Variants in BIN2 observed in about 807,000 individuals in gnomAD.
BIN2 encodes breast cancer associated protein BRAP1.
Under a neutral mutation model 67.9 loss-of-function variants are expected in BIN2, and 43 were observed. The ratio of observed to expected loss-of-function variants is 0.63; its 90% CI spans 0.50 to 0.82. BIN2 has a LOEUF of 0.82. BIN2 is among the 40% of genes least tolerant of loss of function. BIN2 has a pLI of 0.00. For synonymous variants in BIN2, 244 were observed against 246.8 expected, an observed-to-expected ratio of 0.99 and a Z score of 0.11; for missense variants, 581 against 671.6, an observed-to-expected ratio of 0.87 and a Z score of 1.49.
At chr12:51,295,936 TC>T in intron 8 of BIN2, 58 bp from the exon 9 acceptor site, 41 of 1,372,924 alleles carry the variant, frequency 3.0e-5, no homozygotes, top group Non-Finnish European at 4.3e-5. Context: ...GAGTGGCATA[TC>T]CCTTCTCCCC....
chr12:51,312,543 G>A (rs1157354754), intron 2 of BIN2, among the ~76,000 whole-genome samples: 1 of 152,064 alleles, frequency 6.6e-6, no homozygotes, highest in South Asian at 2.1e-4. Flanking sequence ...TTAGGTTGCC[G>A]AATGAAATGA....
chr12:51,299,745 T>C, intron 5 of BIN2, 31 bp from the exon 6 acceptor site: 1 of 1,585,670 alleles, frequency 6.3e-7, no homozygotes, highest in Non-Finnish European at 8.7e-7. Flanking sequence ...AGGGTGTGGA[T>C]ACTCACTTTT....
chr12:51,318,141 G>A (rs992303790), intron 1 of BIN2, among the ~76,000 whole-genome samples: 1 of 152,196 alleles, frequency 6.6e-6, no homozygotes, highest in Non-Finnish European at 1.5e-5. Flanking sequence ...GAGTGGTGGG[G>A]AATGAAGCTA....
intron 7 of BIN2, 100 bp downstream of exon 7, chr12:51,299,103 G>T: frequency 4.9e-6 from 4 of 821,270 alleles, no homozygotes; most frequent in Non-Finnish European, 3.9e-6. Flanking sequence ...GCGGGGCAGT[G>T]TGGGAATTTA....
intron 10 of BIN2, among the ~76,000 whole-genome samples, chr12:51,290,180 T>C (rs1487847487): frequency 6.6e-6 from 1 of 151,924 alleles, no homozygotes; most frequent in African/African-American, 2.4e-5. Context: ...AGTGCAGTGA[T>C]GTGATGTCGG....
intron 10 of BIN2, 64 bp from the exon 11 acceptor site, chr12:51,288,252 T>G: frequency 2.1e-6 from 3 of 1,403,760 alleles, no homozygotes; most frequent in Non-Finnish European, 3.0e-6. Flanking sequence ...GCCATCCCTG[T>G]GCCCTTGGTC....
chr12:51,302,235 T>A (rs1592267871), intron 4 of BIN2, 120 bp from the exon 5 acceptor site: 1 of 666,296 alleles, frequency 1.5e-6, no homozygotes, highest in East Asian at 2.8e-5. Flanking sequence ...TAGAATACCA[T>A]GTTGGATTCT....
chr12:51,309,898 C>T (rs528432590), intron 2 of BIN2, among the ~76,000 whole-genome samples: 4 of 152,134 alleles, frequency 2.6e-5, no homozygotes, highest in Non-Finnish European at 5.9e-5. Flanking sequence ...GAATCAGAAA[C>T]CTTCCACAGT....
chr12:51,313,703 T>G (rs1946054466), intron 2 of BIN2, 120 bp downstream of exon 2: 3 of 898,548 alleles, frequency 3.3e-6, no homozygotes, highest in Non-Finnish European at 5.5e-6. Context: ...CCCTTAACCC[T>G]AGGGGGAGGG....
At chr12:51,317,308 G>T (rs960561898) in intron 1 of BIN2, among the ~76,000 whole-genome samples, 1 of 152,226 alleles carries the variant, frequency 6.6e-6, no homozygotes, top group Non-Finnish European at 1.5e-5. Flanking sequence ...AGGAGAGTAA[G>T]ACTGATCTAG....
chr12:51,294,189 C>T (rs1342138206), intron 9 of BIN2, among the ~76,000 whole-genome samples: 1 of 152,094 alleles, frequency 6.6e-6, no homozygotes, highest in African/African-American at 2.4e-5. Context: ...GTAGCAATAA[C>T]AAAAAATCTT....
chr12:51,288,533 T>C (rs1488993749), intron 10 of BIN2, among the ~76,000 whole-genome samples: 1 of 151,492 alleles, frequency 6.6e-6, no homozygotes, highest in East Asian at 1.9e-4. Context: ...TTATTTATTC[T>C]TTTTTTTTGT....
At chr12:51,303,243 G>A in intron 2 of BIN2, 102 bp from the exon 3 acceptor site, 1 of 1,151,942 alleles carries the variant, frequency 8.7e-7, no homozygotes, top group Non-Finnish European at 1.3e-6. Context: ...AATCACACCT[G>A]GAATTTCTCT....
intron 2 of BIN2, among the ~76,000 whole-genome samples, chr12:51,313,222 G>GGAAGGAAGGAAA (rs1946041676): frequency 6.9e-6 from 1 of 145,902 alleles, no homozygotes. Context: ...AAGGAAGGAA[G>GGAAGGAAGGAAA]GCAGGAAGGC....
At chr12:51,319,787 G>A (rs563202812) in intron 1 of BIN2, among the ~76,000 whole-genome samples, 2 of 152,120 alleles carry the variant, frequency 1.3e-5, no homozygotes, top group African/African-American at 4.8e-5. Context: ...ATATATCTTT[G>A]GTGGCTATAG....
chr12:51,304,986 C>G (rs2011124), intron 2 of BIN2, among the ~76,000 whole-genome samples: 28,370 of 149,962 alleles, frequency 0.19, 2,787 homozygotes, highest in South Asian at 0.24. Context: ...CCACCGTACT[C>G]CAGGCTGGGC....
At chr12:51,295,086 C>G (rs149856422) in intron 9 of BIN2, among the ~76,000 whole-genome samples, 1 of 152,158 alleles carries the variant, frequency 6.6e-6, no homozygotes, top group East Asian at 1.9e-4. Context: ...TTACGCACCA[C>G]CTTGCCCGGC....
intron 2 of BIN2, among the ~76,000 whole-genome samples, chr12:51,310,874 T>C (rs550207100): frequency 6.6e-6 from 1 of 151,006 alleles, no homozygotes; most frequent in South Asian, 2.1e-4. Flanking sequence ...TCCTCTTGCC[T>C]CAGCCTCTCA....
chr12:51,315,098 G>A (rs1946086887), intron 1 of BIN2, among the ~76,000 whole-genome samples: 1 of 151,972 alleles, frequency 6.6e-6, no homozygotes, highest in Admixed American at 6.6e-5. Flanking sequence ...AAGTGATCCT[G>A]TTGCCTCAGC....
Sources: allele counts gnomAD v4.1 joint callset (sites outside exome capture counted in the v4.1 genomes callset), GRCh38; gene constraint gnomAD v4.1.1; transcripts MANE v1.5; gene names NCBI Gene and HGNC (gene_info 2026-07-23, HGNC 2026-07-21).